NXF1: variants seen among roughly 807,000 people sequenced by gnomAD.
NXF1 encodes the protein mRNA export factor TAP.
Under a neutral mutation model 92.4 loss-of-function variants are expected in NXF1, and 43 were observed. The ratio of observed to expected loss-of-function variants is 0.47; its 90% CI spans 0.36 to 0.60. The LOEUF (loss-of-function observed/expected upper bound fraction) is 0.60, where lower values mean the gene tolerates loss of function less well. Among genes scored for constraint, NXF1 ranks in the 20% least tolerant of loss-of-function variants. NXF1 has a pLI of 0.00. For synonymous variants in NXF1, 288 were observed against 292.2 expected, an observed-to-expected ratio of 0.99 and a Z score of 0.15; for missense variants, 576 against 793.0, an observed-to-expected ratio of 0.73 and a Z score of 3.29.
At chr11:62,800,701 CAA>C (rs962504905) in intron 9 of NXF1, among the ~76,000 whole-genome samples, 7 of 151,620 alleles carry the variant, frequency 4.6e-5, no homozygotes, top group African/African-American at 9.7e-5. Flanking sequence ...CTCCTGGACT[CAA>C]GAGATCCTCC....
intron 11 of NXF1, among the ~76,000 whole-genome samples, 174 bp downstream of exon 11, chr11:62,798,365 C>T (rs2084442421): frequency 6.6e-6 from 1 of 150,998 alleles, no homozygotes; most frequent in Admixed American, 6.6e-5. Context: ...ACCTGGGAGG[C>T]AGAGGTTGCG....
chr11:62,793,675 TCAAAA>T (rs992951342), intron 19 of NXF1, among the ~76,000 whole-genome samples: 12 of 150,350 alleles, frequency 8.0e-5, no homozygotes, highest in Admixed American at 2.0e-4. Flanking sequence ...AGACCCTGTC[TCAAAA>T]CAAACAAGCA....
At chr11:62,799,721 T>A in intron 10 of NXF1, 1 of 986,148 alleles carries the variant, frequency 1.0e-6, no homozygotes. Context: ...TGGGATTCCC[T>A]CGCCTGCTGG....
In NXF1 at chr11:62,803,793, A is replaced by G; in HGVS notation, c.214T>C (p.Tyr72His). 3.1e-6 allele frequency: 5 copies of G among 1,613,538 alleles called. No individual in the cohort carries two copies. The highest frequency in any genetic ancestry group is 1.1e-5 in the South Asian group (1 of 91,002). Reference protein sequence around the residue: ...SDAQDGPRVRYNPYTTRPNRR... With the variant: ...SDAQDGPRVRHNPYTTRPNRR... ...AAACCAGACCAACTGGTCACTCACTATCGTACTCGGGGACCATCCTGGGCA... is the reference window on the plus strand; with the variant it reads ...AAACCAGACCAACTGGTCACTCACTGTCGTACTCGGGGACCATCCTGGGCA... Residue 72 changes from tyrosine (Y) to histidine (H), a missense_variant and splice_region_variant, in exon 2 of 21, where the codon TAC becomes CAC. Coordinates refer to ENST00000294172, the MANE Select transcript of NXF1 (RefSeq NM_006362.5).
At chr11:62,804,765 A>G (rs1047877730) in intron 1 of NXF1, among the ~76,000 whole-genome samples, 1 of 151,840 alleles carries the variant, frequency 6.6e-6, no homozygotes, top group African/African-American at 2.4e-5. Flanking sequence ...CCCCACACAC[A>G]CTCTTAAGAA....
chr11:62,803,982 G>C lies in NXF1; in HGVS notation c.29-4C>G. On this transcript the variant is annotated splice_region_variant and splice_polypyrimidine_tract_variant and intron_variant, in intron 1 of 20. Coordinates refer to ENST00000294172, the MANE Select transcript of NXF1 (RefSeq NM_006362.5). ...TTAACGCGTTCATCATCGTGTTCTA[G>C]AGTTAGAAACAGGAACACAAATTAG... 6 of 1,612,498 alleles carry C rather than the reference G, an allele frequency of 3.7e-6. No homozygotes were observed. The highest frequency in any genetic ancestry group is 5.1e-6 in the Non-Finnish European group (6 of 1,179,642).
At chr11:62,800,990 A>G in intron 9 of NXF1, 104 bp downstream of exon 9, 1 of 830,180 alleles carries the variant, frequency 1.2e-6, no homozygotes, top group Non-Finnish European at 2.0e-6. Context: ...GCAAACCAGC[A>G]CATCTGGCCT....
chr11:62,793,185 TCTC>T (rs1474863327), intron 19 of NXF1, among the ~76,000 whole-genome samples: 2 of 152,132 alleles, frequency 1.3e-5, no homozygotes, highest in African/African-American at 4.8e-5. Context: ...TTCAAGCAAT[TCTC>T]CTGCCTCAGC....
intron 12 of NXF1, 24 bp from the exon 13 acceptor site, chr11:62,797,262 A>C (rs757733240): frequency 1.2e-5 from 19 of 1,613,946 alleles, no homozygotes; most frequent in Non-Finnish European, 3.4e-6. Flanking sequence ...GGTATTAGGA[A>C]CATGGAAGCA....
At position 62,796,083 on chromosome 11, in the gene NXF1, C is replaced by G. The variant is rs2084417371; in HGVS notation, c.1444G>C (p.Asp482His). 1 of 1,612,294 alleles carries G rather than the reference C, an allele frequency of 6.2e-7. No individual in the cohort carries two copies. ...GAGCTTACTGTCTGGGCGCTTATGT[C>G]TACCACGAAGGAATTGACGTCGTGC... ...TQHDVNSFVV[D>H]ISAQTSTLLC... The change falls in exon 16 of 21, where the codon GAC (aspartate) becomes CAC (histidine). Residue 482 changes from aspartate (D) to histidine (H), a missense_variant. This residue lies in a region of NXF1 where 425 missense variants were observed against 635.2 expected (regional missense o/e 0.67). Transcript: ENST00000294172.
chr11:62,801,675 G>A, intron 6 of NXF1, 44 bp from the exon 7 acceptor site: 1 of 1,606,724 alleles, frequency 6.2e-7, no homozygotes, highest in Non-Finnish European at 8.5e-7. Context: ...GTTTGTGTGT[G>A]GGGGGTGGGG....
intron 3 of NXF1, 24 bp downstream of exon 3, chr11:62,803,395 C>T (rs760318474): frequency 1.2e-6 from 2 of 1,608,264 alleles, no homozygotes; most frequent in Non-Finnish European, 1.7e-6. Context: ...TCTACTGTAC[C>T]ATCTACTTTC....
Position 62,797,049 on chromosome 11 carries a change from C to G in NXF1, c.1178+134G>C. ...CACCATTGCACTCCAGCCTGGGTGA[C>G]ACAGTGAGACACTGTCCAAAAAAAA... On this transcript the variant is annotated intron_variant, in intron 13 of 20. Transcript: ENST00000294172. 3 of 746,360 alleles carry G rather than the reference C, an allele frequency of 4.0e-6. No individual in the cohort carries two copies. In the South Asian group the frequency reaches 5.3e-5, roughly 13 times the overall value. 46.2% of individuals were successfully genotyped at this position (746,360 alleles called of 1,614,324 possible).
chr11:62,803,938 CTTCT>C lies in NXF1; in HGVS notation c.65_68del (p.Lys22ArgfsTer39). ...TCCACCGGAAGGGACCCCGGCCTTT[CTTCT>C]TTCTTTGAGGGAAATTAACGCGTTC... On this transcript the variant is annotated frameshift_variant, in exon 2 of 21. Transcript: ENST00000294172. LOFTEE classifies it high-confidence loss of function. The C allele has an allele frequency of 6.2e-7, 1 of 1,614,016 alleles. No individual in the cohort carries two copies. The highest frequency in any genetic ancestry group is 8.5e-7 in the Non-Finnish European group (1 of 1,180,000).
chr11:62,798,813 G>A (rs1192060286), intron 10 of NXF1: 1 of 1,336,736 alleles, frequency 7.5e-7, no homozygotes, highest in Admixed American at 3.6e-5. Flanking sequence ...TGAGTGTCAA[G>A]GAGCAGTACT....
chr11:62,792,881 G>T, intron 19 of NXF1, 180 bp from the exon 20 acceptor site: 1 of 603,542 alleles, frequency 1.7e-6, no homozygotes, highest in Non-Finnish European at 2.9e-6. Flanking sequence ...GCTTCTCAAA[G>T]ATAAGGAATA....
chr11:62,801,080 C>T lies in NXF1; in HGVS notation c.906+14G>A, dbSNP rs1356564369. 6.3e-7 allele frequency: 1 copy of T among 1,593,092 alleles called. No individual in the cohort carries two copies. Among genetic ancestry groups the T allele is most frequent in the South Asian group, 1.1e-5 (1 of 90,596 alleles). ...CCACCCCTTCAAAAATATAGCCGAG[C>T]TATCAATTCTCACTTCATTTCCAGA... On this transcript the variant is annotated intron_variant, in intron 9 of 20. Transcript: ENST00000294172.
At chr11:62,795,474 CA>C (rs1555001241) in intron 17 of NXF1, 51 of 218,942 alleles carry the variant, frequency 2.3e-4, no homozygotes, top group East Asian at 3.3e-4. Flanking sequence ...GACTCCATCT[CA>C]AAAAAAAGTA....
At chr11:62,795,972 G>A (rs376313083) in intron 16 of NXF1, 29 bp from the exon 17 acceptor site, 1 of 1,613,690 alleles carries the variant, frequency 6.2e-7, no homozygotes, top group African/African-American at 1.3e-5. Flanking sequence ...CAGGTACAAT[G>A]TACACTTCTC....
Sources: gnomAD v4.1 joint callset for allele counts (sites outside exome capture counted in the v4.1 genomes callset) on GRCh38, gnomAD v4.1.1 for gene constraint, gnomAD v4.1.1 regional missense constraint, MANE v1.5 for transcripts, NCBI Gene and HGNC (gene_info 2026-07-23, HGNC 2026-07-21) for gene names.